SORCS1: variants seen among roughly 807,000 people sequenced by gnomAD.
The protein encoded by SORCS1 is sortilin related VPS10 domain containing receptor 1.
SORCS1 carries 60 observed loss-of-function variants against 146.1 expected under a neutral mutation model. That is an observed-to-expected ratio of 0.41 (90% CI 0.33 to 0.51). The LOEUF (loss-of-function observed/expected upper bound fraction) is 0.51. SORCS1 is among the 20% of genes least tolerant of loss of function. The probability of loss-of-function intolerance (pLI) is 0.21; values close to 1 mark genes in which losing one functional copy is unlikely to be tolerated. For missense variants in SORCS1, 1,352 were observed against 1,487.6 expected, an observed-to-expected ratio of 0.91 and a Z score of 1.50; for synonymous variants, 637 against 584.0, an observed-to-expected ratio of 1.09 and a Z score of -1.31.
intron 2 of SORCS1, among the ~76,000 whole-genome samples, chr10:106,886,036 C>T (rs552140543): frequency 4.0e-4 from 61 of 152,158 alleles, no homozygotes; most frequent in Non-Finnish European, 7.5e-4. Context: ...CCAAGGTGAG[C>T]GGATCACCTG....
intron 2 of SORCS1, among the ~76,000 whole-genome samples, chr10:106,947,404 T>C (rs1209340324): frequency 1.3e-5 from 2 of 151,772 alleles, no homozygotes; most frequent in Non-Finnish European, 2.9e-5. Context: ...CGAAATGAAC[T>C]AAAGATCTAT....
At chr10:106,865,288 C>T (rs1950186968) in intron 2 of SORCS1, among the ~76,000 whole-genome samples, 1 of 150,188 alleles carries the variant, frequency 6.7e-6, no homozygotes, top group Non-Finnish European at 1.5e-5. Flanking sequence ...CTTCCTGGGA[C>T]AGAGCTCCCA....
At chr10:107,175,746 C>A in the SORCS1 span, among the ~76,000 whole-genome samples, 3 of 152,060 alleles carry the variant, frequency 2.0e-5, no homozygotes, top group Non-Finnish European at 4.4e-5. Flanking sequence ...CAGTTTATTT[C>A]TTTTTGTGTT....
intron 5 of SORCS1, among the ~76,000 whole-genome samples, chr10:106,744,518 T>C (rs1461695844): frequency 1.3e-5 from 2 of 152,232 alleles, no homozygotes; most frequent in South Asian, 2.1e-4. Flanking sequence ...AGAGGAGATA[T>C]TGTAGTCTTC....
intron 2 of SORCS1, among the ~76,000 whole-genome samples, chr10:106,846,030 T>C (rs2137207003): frequency 7.9e-6 from 1 of 126,500 alleles, no homozygotes; most frequent in African/African-American, 2.6e-5. Flanking sequence ...GCCTCCAGCT[T>C]TGTTCTTTTG....
intron 3 of SORCS1, among the ~76,000 whole-genome samples, chr10:106,803,242 G>C (rs1311124156): frequency 6.6e-6 from 1 of 152,040 alleles, no homozygotes; most frequent in African/African-American, 2.4e-5. Context: ...AAGAATGAGG[G>C]TAGTATTCTT....
At chr10:106,873,798 C>A (rs543479110) in intron 2 of SORCS1, among the ~76,000 whole-genome samples, 1 of 152,288 alleles carries the variant, frequency 6.6e-6, no homozygotes, top group East Asian at 1.9e-4. Flanking sequence ...CTTTGTAATT[C>A]TCTCACTTCA....
intron 2 of SORCS1, among the ~76,000 whole-genome samples, chr10:106,868,544 C>T (rs1950301254): frequency 6.6e-6 from 1 of 151,950 alleles, no homozygotes; most frequent in South Asian, 2.1e-4. Context: ...AAAAATTGCT[C>T]AAAACCATGA....
chr10:107,095,594 A>G (rs2134341572), intron 1 of SORCS1, among the ~76,000 whole-genome samples: 1 of 152,328 alleles, frequency 6.6e-6, no homozygotes, highest in Middle Eastern at 3.4e-3. Context: ...TTAAGCAGAA[A>G]TGGGTGCTGG....
In SORCS1 at chr10:107,145,799, G is replaced by A. The variant is rs936234818; in HGVS notation, c.558+18170C>T. Among the ~76,000 whole-genome samples, 8 of 152,312 alleles carry A rather than the reference G, an allele frequency of 5.3e-5. No homozygotes were observed. The East Asian group carries it at 1.5e-3, about 29-fold the overall frequency. ...AAACAGTTTCTGATTTGGGAGAAAA[G>A]AGGACAACTTTTAAATAGAGAGAAG... On this transcript the variant is annotated intron_variant, in intron 1 of 25. Coordinates refer to ENST00000263054, the MANE Select transcript of SORCS1 (RefSeq NM_052918.5).
intron 2 of SORCS1, among the ~76,000 whole-genome samples, chr10:106,876,338 C>T (rs951312946): frequency 6.6e-6 from 1 of 152,140 alleles, no homozygotes. Context: ...GAAGCTCATC[C>T]ATCACTCTGC....
chr10:106,867,329 C>T (rs867568015), intron 2 of SORCS1, among the ~76,000 whole-genome samples: 9 of 151,144 alleles, frequency 6.0e-5, no homozygotes, highest in African/African-American at 1.2e-4. Flanking sequence ...CTGTCGCCCA[C>T]GCTGGAGTGC....
At chr10:106,681,740 A>G (rs964511118) in intron 10 of SORCS1, among the ~76,000 whole-genome samples, 2 of 152,178 alleles carry the variant, frequency 1.3e-5, no homozygotes, top group African/African-American at 4.8e-5. Flanking sequence ...CCAACTTTCA[A>G]TCTTAAGCCA....
chr10:106,991,848 C>T (rs1051987653), intron 1 of SORCS1, among the ~76,000 whole-genome samples: 2 of 152,132 alleles, frequency 1.3e-5, no homozygotes, highest in African/African-American at 4.8e-5. Context: ...TTGCATTTTC[C>T]TTTTGCAGCT....
chr10:106,829,696 A>G, intron 2 of SORCS1, 23 bp from the exon 3 acceptor site: 1 of 1,570,174 alleles, frequency 6.4e-7, no homozygotes, highest in Non-Finnish European at 8.8e-7. Flanking sequence ...AAGAGCATTA[A>G]TGAGGACAGA....
chr10:107,094,968 A>G (rs1221023926), intron 1 of SORCS1, among the ~76,000 whole-genome samples: 1 of 152,178 alleles, frequency 6.6e-6, no homozygotes, highest in East Asian at 1.9e-4. Context: ...GGAACATGGG[A>G]GAAGGCAGTC....
rs745603489 is a variant in SORCS1, at chr10:106,597,453, G to GA, written c.3166-4dup. The stretch of plus-strand genomic sequence containing the variant: ...GTGTGGATCAGCAATTCTGATATCT[G>GA]AAAAAAGAAGCATAGTTAGTGACAC... On this transcript the variant is annotated splice_polypyrimidine_tract_variant and splice_region_variant and intron_variant, in intron 23 of 25. Coordinates refer to ENST00000263054, the MANE Select transcript of SORCS1 (RefSeq NM_052918.5). 1 of 1,611,732 alleles carries GA rather than the reference G, an allele frequency of 6.2e-7. No homozygotes were observed. Among genetic ancestry groups the GA allele is most frequent in the East Asian group, 2.2e-5 (1 of 44,828 alleles).
intron 1 of SORCS1, among the ~76,000 whole-genome samples, chr10:107,158,898 T>TA (rs901074962): frequency 1.3e-5 from 2 of 150,910 alleles, no homozygotes; most frequent in Admixed American, 6.7e-5. Flanking sequence ...GGTCTCTCTT[T>TA]AAAAAAATGT....
rs997754171 is a variant in SORCS1, at chr10:107,102,317, C to G, written c.558+61652G>C. Among the ~76,000 whole-genome samples, 5 of 152,122 alleles carry G rather than the reference C, an allele frequency of 3.3e-5. No homozygotes were observed. The East Asian group carries it at 9.6e-4, about 29-fold the overall frequency. The stretch of plus-strand genomic sequence containing the variant: ...AAACGTATGGCCCTTCTCATGCAAG[C>G]CAAGCTGCATGGCTCACTGTCCTGA... On this transcript the variant is annotated intron_variant, in intron 1 of 25. Transcript: ENST00000263054.
Sources: gnomAD v4.1 joint callset for allele counts (sites outside exome capture counted in the v4.1 genomes callset) on GRCh38, gnomAD v4.1.1 for gene constraint, MANE v1.5 for transcripts, NCBI Gene and HGNC (gene_info 2026-07-23, HGNC 2026-07-21) for gene names.